DOK6: variants seen among roughly 807,000 people sequenced by gnomAD.
DOK6 encodes the protein downstream of tyrosine kinase 6.
DOK6 carries 22 observed loss-of-function variants against 44.0 expected under a neutral mutation model. That is an observed-to-expected ratio of 0.50 (90% CI 0.36 to 0.71). DOK6 has a LOEUF of 0.71. Among genes scored for constraint, DOK6 ranks in the 30% least tolerant of loss-of-function variants. The pLI is 0.00. For missense variants in DOK6, 340 were observed against 416.4 expected (o/e 0.82, Z 1.60); for synonymous variants, 166 against 145.5 (o/e 1.14, Z -1.01).
chr18:69,587,409 G>A (rs975944566), intron 2 of DOK6, among the ~76,000 whole-genome samples: 19 of 151,828 alleles, frequency 1.3e-4, no homozygotes, highest in African/African-American at 2.4e-4. Context: ...CCCTCTCCTC[G>A]TCTCTTGTAA....
intron 3 of DOK6, among the ~76,000 whole-genome samples, chr18:69,667,792 C>A (rs185128461): frequency 1.6e-3 from 244 of 152,214 alleles, no homozygotes; most frequent in Non-Finnish European, 2.9e-3. Flanking sequence ...TAAATGTCTT[C>A]TTTTTTTCTA....
At chr18:69,497,998 G>A (rs199597277) in intron 1 of DOK6, among the ~76,000 whole-genome samples, 6 of 149,898 alleles carry the variant, frequency 4.0e-5, no homozygotes, top group Non-Finnish European at 3.0e-5. Flanking sequence ...TCCAAAAAAA[G>A]AAAAAAAAAG....
At chr18:69,446,260 A>T (rs355990) in intron 1 of DOK6, among the ~76,000 whole-genome samples, 43,299 of 138,362 alleles carry the variant, frequency 0.31, 6,729 homozygotes, top group Middle Eastern at 0.56. Flanking sequence ...CCTGTGTCCA[A>T]GTGTTCTCAT....
intron 7 of DOK6, among the ~76,000 whole-genome samples, chr18:69,765,043 A>T (rs910737488): frequency 6.6e-6 from 1 of 152,202 alleles, no homozygotes; most frequent in African/African-American, 2.4e-5. Flanking sequence ...AGAATTAGAG[A>T]TAACCTTCAG....
intron 7 of DOK6, among the ~76,000 whole-genome samples, chr18:69,776,793 A>T (rs1300619517): frequency 2.0e-5 from 3 of 152,100 alleles, no homozygotes; most frequent in Non-Finnish European, 4.4e-5. Context: ...ATATTTGATA[A>T]AATTCAGTAT....
At chr18:69,534,262 T>A (rs571178778) in intron 1 of DOK6, among the ~76,000 whole-genome samples, 3 of 152,268 alleles carry the variant, frequency 2.0e-5, no homozygotes, top group African/African-American at 7.2e-5. Context: ...TTCTGTAATT[T>A]AACAAAAATA....
At chr18:69,546,660 A>G (rs560705431) in intron 1 of DOK6, among the ~76,000 whole-genome samples, 1 of 151,688 alleles carries the variant, frequency 6.6e-6, no homozygotes, top group African/African-American at 2.4e-5. Flanking sequence ...CTTAAAACAG[A>G]GGCTGCTTTT....
At position 69,558,719 on chromosome 18, in the gene DOK6, CACAT is replaced by C. The variant is rs141832037; in HGVS notation, c.67-5766_67-5763del. ...GTTTAGGTCACGAAAAACAAAGTGT[CACAT>C]ATCAGAGGAGACTAAGGAGACAGAA... On this transcript the variant is annotated intron_variant, in intron 1 of 7. Transcript: ENST00000382713. Among the ~76,000 whole-genome samples, 943 of 152,202 alleles carry C rather than the reference CACAT, an allele frequency of 6.2e-3. 9 individuals are homozygous for C. The highest frequency in any genetic ancestry group is 0.021 in the African/African-American group (878 of 41,524).
intron 5 of DOK6, among the ~76,000 whole-genome samples, chr18:69,701,693 C>G (rs546635603): frequency 6.6e-6 from 1 of 152,300 alleles, no homozygotes; most frequent in East Asian, 1.9e-4. Flanking sequence ...ATATGTGTCT[C>G]ACTAACTTTG....
intron 1 of DOK6, among the ~76,000 whole-genome samples, chr18:69,494,967 G>A (rs1407442367): frequency 6.6e-6 from 1 of 152,190 alleles, no homozygotes; most frequent in Non-Finnish European, 1.5e-5. Context: ...TCCCACACCT[G>A]CCAAGTGCGA....
At chr18:69,437,432 G>C (rs573338130) in intron 1 of DOK6, among the ~76,000 whole-genome samples, 1 of 152,040 alleles carries the variant, frequency 6.6e-6, no homozygotes, top group African/African-American at 2.4e-5. Flanking sequence ...CCCATTGCTG[G>C]TTTTTTGTCA....
chr18:69,417,291 C>T (rs1363240929), intron 1 of DOK6, among the ~76,000 whole-genome samples: 1 of 152,088 alleles, frequency 6.6e-6, no homozygotes, highest in African/African-American at 2.4e-5. Flanking sequence ...ATATTTTTAG[C>T]TCCCACATAT....
In DOK6 at chr18:69,611,419, C is replaced by T. The variant is rs377131550; in HGVS notation, c.289+11921C>T. On this transcript the variant is annotated intron_variant, in intron 3 of 7. Coordinates refer to ENST00000382713, the MANE Select transcript of DOK6 (RefSeq NM_152721.6). ...TTTGGCAGCTTCTCATAAAATTAAA[C>T]ATGAAATTACCATACAACCTAGAAA... 2.2e-4 allele frequency among the ~76,000 whole-genome samples: 34 copies of T among 151,828 alleles called. No individual in the cohort carries two copies. The East Asian group carries it at 5.1e-3, about 23-fold the overall frequency.
intron 1 of DOK6, among the ~76,000 whole-genome samples, chr18:69,524,636 C>G (rs185152445): frequency 3.9e-5 from 6 of 151,904 alleles, no homozygotes; most frequent in Admixed American, 2.6e-4. Context: ...AACATTAGTT[C>G]TTTATTTTAT....
At chr18:69,617,384 AG>A (rs768267706) in intron 3 of DOK6, among the ~76,000 whole-genome samples, 6 of 150,088 alleles carry the variant, frequency 4.0e-5, no homozygotes, top group Non-Finnish European at 8.9e-5. Flanking sequence ...TAGGAGAAAA[AG>A]AGAGAGAGAG....
chr18:69,839,304 G>T (rs1233447541), intron 7 of DOK6, among the ~76,000 whole-genome samples: 1 of 101,750 alleles, frequency 9.8e-6, no homozygotes, highest in Middle Eastern at 8.2e-3. Flanking sequence ...CCCTGGTCCT[G>T]CCCCTAGTCT....
At position 69,544,590 on chromosome 18, in the gene DOK6, G is replaced by A. The variant is rs1053999353; in HGVS notation, c.67-19897G>A. ...ATCAGAAGCATTGAGAAGTTTTAAA[G>A]AGAATATAGTTGTGCTCAGGCCACA... On this transcript the variant is annotated intron_variant, in intron 1 of 7. Coordinates refer to ENST00000382713, the MANE Select transcript of DOK6 (RefSeq NM_152721.6). Among the ~76,000 whole-genome samples the A allele has an allele frequency of 6.6e-5, 10 of 151,504 alleles. 1 individual carries two copies. Among genetic ancestry groups the A allele is most frequent in the African/African-American group, 1.2e-4 (5 of 41,348 alleles).
At chr18:69,464,238 G>C (rs1198212261) in intron 1 of DOK6, among the ~76,000 whole-genome samples, 1 of 152,170 alleles carries the variant, frequency 6.6e-6, no homozygotes, top group East Asian at 1.9e-4. Context: ...CCAGTTATTT[G>C]TCCCATATCC....
At chr18:69,644,823 G>T (rs1985030547) in intron 3 of DOK6, among the ~76,000 whole-genome samples, 1 of 152,226 alleles carries the variant, frequency 6.6e-6, no homozygotes, top group Admixed American at 6.5e-5. Flanking sequence ...CAGGATTTAT[G>T]AAAGAGTAAC....
Sources: gnomAD v4.1 joint callset for allele counts (sites outside exome capture counted in the v4.1 genomes callset) on GRCh38, gnomAD v4.1.1 for gene constraint, MANE v1.5 for transcripts, NCBI Gene and HGNC (gene_info 2026-07-23, HGNC 2026-07-21) for gene names.